Variants in ASIC2 observed in about 807,000 individuals in gnomAD.
ASIC2 encodes acid-sensing ion channel 2.
ASIC2 carries 25 observed loss-of-function variants against 57.3 expected under a neutral mutation model. The ratio of observed to expected loss-of-function variants is 0.44; its 90% confidence interval spans 0.32 to 0.61. ASIC2 has a LOEUF of 0.61. ASIC2 is among the 20% of genes least tolerant of loss of function. The pLI, the probability that ASIC2 is intolerant of heterozygous loss-of-function variation, is 0.06. For missense variants in ASIC2, 641 were observed against 738.1 expected, an observed-to-expected ratio of 0.87 and a Z score of 1.52; for synonymous variants, 319 against 307.5, an observed-to-expected ratio of 1.04 and a Z score of -0.39.
chr17:33,199,539 T>C (rs1309309766), intron 1 of ASIC2, among the ~76,000 whole-genome samples: 1 of 152,192 alleles, frequency 6.6e-6, no homozygotes, highest in African/African-American at 2.4e-5. Flanking sequence ...TATTCATAAC[T>C]TTCATGTGCT....
chr17:34,047,145 T>C (rs1181044622), intron 1 of ASIC2, among the ~76,000 whole-genome samples: 2 of 152,154 alleles, frequency 1.3e-5, no homozygotes, highest in East Asian at 1.9e-4. Context: ...CCAAAGACCA[T>C]GCACTTAACC....
intron 1 of ASIC2, among the ~76,000 whole-genome samples, chr17:33,590,556 C>T (rs1215737168): frequency 1.3e-5 from 2 of 151,724 alleles, no homozygotes; most frequent in African/African-American, 4.8e-5. Context: ...CTCTACACCA[C>T]ACCCCAATCT....
chr17:33,236,947 T>C (rs544573004), intron 1 of ASIC2, among the ~76,000 whole-genome samples: 1 of 152,172 alleles, frequency 6.6e-6, no homozygotes, highest in East Asian at 1.9e-4. Context: ...GACAATAAAT[T>C]TCTGTTGTTT....
chr17:34,062,531 C>T (rs1909005030), intron 1 of ASIC2, among the ~76,000 whole-genome samples: 1 of 151,738 alleles, frequency 6.6e-6, no homozygotes, highest in African/African-American at 2.4e-5. Flanking sequence ...CAGAGCAGAA[C>T]TAAATGAAAT....
chr17:33,610,054 G>GCGCGCACACACACACACA (rs375575593), intron 1 of ASIC2, among the ~76,000 whole-genome samples: 140 of 144,838 alleles, frequency 9.7e-4, no homozygotes, highest in African/African-American at 3.5e-3. Context: ...GGACAGAGGC[G>GCGCGCACACACACACACA]CACACACACA....
At chr17:33,133,241 C>T (rs2092354287) in intron 1 of ASIC2, among the ~76,000 whole-genome samples, 1 of 152,084 alleles carries the variant, frequency 6.6e-6, no homozygotes, top group African/African-American at 2.4e-5. Context: ...GAAGAGGGCA[C>T]AGCATGAGCA....
intron 1 of ASIC2, among the ~76,000 whole-genome samples, chr17:33,571,813 G>A (rs1473141853): frequency 1.3e-5 from 2 of 152,182 alleles, no homozygotes; most frequent in East Asian, 3.8e-4. Context: ...TTGCATGTGT[G>A]CTGGGTGCAC....
intron 1 of ASIC2, among the ~76,000 whole-genome samples, chr17:33,373,391 C>T (rs968241191): frequency 2.0e-5 from 3 of 152,228 alleles, no homozygotes; most frequent in African/African-American, 7.2e-5. Context: ...GCCAAGCTAA[C>T]TTTCAAAGGA....
intron 1 of ASIC2, among the ~76,000 whole-genome samples, chr17:33,764,231 G>A (rs536934909): frequency 3.9e-5 from 6 of 151,970 alleles, no homozygotes; most frequent in Non-Finnish European, 8.8e-5. Flanking sequence ...GAAGGAGAAT[G>A]GTGTGAACTC....
Position 33,852,438 on chromosome 17 carries a change from G to C in ASIC2, c.555+303540C>G, listed in dbSNP as rs139184158. Reference sequence around the variant, plus strand: ...TCCTCTCTGTGGGGTGAGATGGCAGGAGAAAAGCTGGTGCCTCTGAGCACC... The same window carrying C: ...TCCTCTCTGTGGGGTGAGATGGCAGCAGAAAAGCTGGTGCCTCTGAGCACC... On this transcript the variant is annotated intron_variant, in intron 1 of 9. Transcript: ENST00000359872. Among the ~76,000 whole-genome samples, 627 of 152,268 alleles carry C rather than the reference G, an allele frequency of 4.1e-3. 4 individuals carry two copies. Among genetic ancestry groups the C allele is most frequent in the African/African-American group, 0.013 (549 of 41,546 alleles).
intron 1 of ASIC2, among the ~76,000 whole-genome samples, chr17:33,759,975 A>G (rs1253520885): frequency 1.3e-5 from 2 of 152,200 alleles, no homozygotes; most frequent in Non-Finnish European, 2.9e-5. Context: ...CACCAGATGT[A>G]GCCCCTTGAC....
At chr17:33,191,821 A>G (rs1002123690) in intron 1 of ASIC2, among the ~76,000 whole-genome samples, 1 of 152,104 alleles carries the variant, frequency 6.6e-6, no homozygotes, top group African/African-American at 2.4e-5. Flanking sequence ...TAAGACAGAA[A>G]CCAATCCCCC....
intron 1 of ASIC2, among the ~76,000 whole-genome samples, chr17:33,304,607 A>G (rs901985193): frequency 2.0e-5 from 3 of 152,140 alleles, no homozygotes; most frequent in African/African-American, 7.2e-5. Context: ...TGCCCATTCT[A>G]GTATGTTTCC....
intron 1 of ASIC2, among the ~76,000 whole-genome samples, chr17:34,072,966 G>C (rs1302785480): frequency 6.6e-6 from 1 of 152,128 alleles, no homozygotes; most frequent in Non-Finnish European, 1.5e-5. Context: ...TAGACACATA[G>C]AGTCAATGAG....
At chr17:33,107,832 T>G (rs112275200) in intron 2 of ASIC2, among the ~76,000 whole-genome samples, 1 of 152,216 alleles carries the variant, frequency 6.6e-6, no homozygotes, top group African/African-American at 2.4e-5. Flanking sequence ...GTTCCCTCCC[T>G]GCTTCCTGAC....
chr17:33,411,223 C>T (rs1267462263), intron 1 of ASIC2, among the ~76,000 whole-genome samples: 1 of 152,160 alleles, frequency 6.6e-6, no homozygotes, highest in African/African-American at 2.4e-5. Context: ...TGGCAGCCCT[C>T]CTCAGAATCC....
At chr17:33,550,790 C>G (rs927257579) in intron 1 of ASIC2, among the ~76,000 whole-genome samples, 1 of 152,140 alleles carries the variant, frequency 6.6e-6, no homozygotes, top group Non-Finnish European at 1.5e-5. Context: ...CTGTGCATGA[C>G]TAGGAGTTTT....
chr17:33,932,741 A>AAAAAATATAT (rs1555572867), intron 1 of ASIC2: 9 of 58,712 alleles, frequency 1.5e-4, no homozygotes, highest in African/African-American at 5.4e-4. Flanking sequence ...AAAAAAAAAA[A>AAAAAATATAT]ATATATATAT....
chr17:33,409,968 G>A (rs1392512257), intron 1 of ASIC2, among the ~76,000 whole-genome samples: 3 of 152,212 alleles, frequency 2.0e-5, no homozygotes, highest in African/African-American at 7.2e-5. Context: ...GCTCAGGGCA[G>A]CTCATTCTGG....
Sources: gnomAD v4.1 joint callset for allele counts (sites outside exome capture counted in the v4.1 genomes callset) on GRCh38, gnomAD v4.1.1 for gene constraint, MANE v1.5 for transcripts, NCBI Gene and HGNC (gene_info 2026-07-23, HGNC 2026-07-21) for gene names.